FHOD1: variants seen among roughly 807,000 people sequenced by gnomAD.
FHOD1 encodes formin homology 2 domain containing 1, also known as FH1/FH2 domain-containing protein 1.
Under a neutral mutation model 111.6 loss-of-function variants are expected in FHOD1, and 89 were observed. That is an observed-to-expected ratio of 0.80 (90% CI 0.67 to 0.95). The LOEUF (loss-of-function observed/expected upper bound fraction) is 0.95. Ranked by LOEUF, FHOD1 falls within the 40% of genes least tolerant of loss-of-function variation. FHOD1 has a pLI of 0.00. For synonymous variants in FHOD1, 618 were observed against 639.0 expected (o/e 0.97, Z 0.50); for missense variants, 1,446 against 1,554.2 (o/e 0.93, Z 1.17).
chr16:67,230,811 C>T lies in FHOD1; in HGVS notation c.2668-20G>A, dbSNP rs561524743. 4 of 1,564,978 alleles carry T rather than the reference C, an allele frequency of 2.6e-6. No individual in the cohort carries two copies. The highest frequency in any genetic ancestry group is 1.3e-5 in the African/African-American group (1 of 74,214). Reference sequence around the variant, plus strand: ...GTCCACCTGAGAAAGCAAGGGGGTGCACATACTGTCCCCCCACACCCTGTA... The same window carrying T: ...GTCCACCTGAGAAAGCAAGGGGGTGTACATACTGTCCCCCCACACCCTGTA... On this transcript the variant is annotated intron_variant, in intron 17 of 21. Coordinates refer to ENST00000258201, the MANE Select transcript of FHOD1 (RefSeq NM_013241.3).
chr16:67,242,200 C>A (rs935817806), intron 1 of FHOD1, among the ~76,000 whole-genome samples: 1 of 152,164 alleles, frequency 6.6e-6, no homozygotes, highest in Non-Finnish European at 1.5e-5. Flanking sequence ...AACTCCTGAC[C>A]TCAAGTGATC....
chr16:67,242,126 G>A (rs1387747032), intron 1 of FHOD1, among the ~76,000 whole-genome samples: 1 of 152,146 alleles, frequency 6.6e-6, no homozygotes, highest in African/African-American at 2.4e-5. Flanking sequence ...GCATCACCAT[G>A]CCTGGCTAAT....
Position 67,230,731 on chromosome 16 carries a change from C to T in FHOD1, c.2728G>A (p.Glu910Lys), listed in dbSNP as rs776903658. Reference sequence around the variant, plus strand: ...TTGGCCAAGCTCCGCAGGCTCTCCTCGGCTGCCCGGCTCCGGCGCTCCAGC... The same window carrying T: ...TTGGCCAAGCTCCGCAGGCTCTCCTTGGCTGCCCGGCTCCGGCGCTCCAGC... ...GQLERRSRAA[E>K]ESLRSLAKHE... The change falls in exon 18 of 22, where the codon GAG (glutamate) becomes AAG (lysine). Residue 910 changes from glutamate to lysine, a missense_variant. Around this residue, in one of 3 missense-constraint regions of FHOD1, gnomAD observed 1,085 missense variants for 1,108.8 expected, o/e 0.98. Transcript: ENST00000258201. 8.6e-5 allele frequency: 139 copies of T among 1,611,554 alleles called. 2 individuals are homozygous for T. The South Asian group carries it at 1.2e-3, about 14-fold the overall frequency.
Position 67,238,570 on chromosome 16 carries a change from G to A in FHOD1, c.374-123C>T. The A allele has an allele frequency of 7.3e-6, 7 of 961,866 alleles. No homozygotes were observed. The highest frequency in any genetic ancestry group is 9.7e-6 in the Non-Finnish European group (6 of 617,820). 59.6% of individuals were successfully genotyped at this position (961,866 alleles called of 1,614,324 possible). Reference sequence around the variant, plus strand: ...ATATATGTTTTGGTCTGAGAGACAGGGTCTCACTCTGTCACTCAGGCTGGA... The same window carrying A: ...ATATATGTTTTGGTCTGAGAGACAGAGTCTCACTCTGTCACTCAGGCTGGA... On this transcript the variant is annotated intron_variant, in intron 3 of 21. Transcript: ENST00000258201. The surrounding 1 kb of genome is among the most constrained non-coding windows in gnomAD (Gnocchi z 4.2).
Position 67,237,328 on chromosome 16 carries a change from C to T in FHOD1, c.904G>A (p.Glu302Lys), listed in dbSNP as rs1160839344. The T allele has an allele frequency of 3.1e-6, 5 of 1,614,122 alleles. No individual in the cohort carries two copies. Among genetic ancestry groups the T allele is most frequent in the Non-Finnish European group, 4.2e-6 (5 of 1,180,030 alleles). Residue 302 changes from glutamate (E) to lysine (K), a missense_variant, in exon 9 of 22, where the codon GAG (glutamate) becomes AAG (lysine). Transcript: ENST00000258201. The surrounding 1 kb of genome is among the most constrained non-coding windows in gnomAD (Gnocchi z 5.6). ...ACCAGCGCTTCCATGCCCTGCTGCT[C>T]CAGTGCATCCGTCACATCGTAGAAG... Reference protein sequence around the residue: ...DSFYDVTDALEQQGMEALVQR... With the variant: ...DSFYDVTDALKQQGMEALVQR...
rs750558526 is a variant in FHOD1 at position 67,233,660 on chromosome 16, G to A, written c.2043C>T (p.Ser681=). The A allele has an allele frequency of 8.2e-6, 13 of 1,591,828 alleles. No homozygotes were observed. The highest frequency in any genetic ancestry group is 1.1e-5 in the Non-Finnish European group (13 of 1,163,950). ...FESRAKEVLP[S]KKAGEGRRTM... is the part of the protein sequence containing the mutation. Reference sequence around the variant, plus strand: ...CCTTGCAGATGAGTGGATTTACCTTGGAGGGCAGCACCTCTTTGGCACGAG... The same window carrying A: ...CCTTGCAGATGAGTGGATTTACCTTAGAGGGCAGCACCTCTTTGGCACGAG... Residue 681 remains serine, a synonymous_variant, in exon 13 of 22, where the codon TCC becomes TCT. Transcript: ENST00000258201.
Position 67,237,565 on chromosome 16 carries a change from A to G in FHOD1, c.759T>C (p.Ala253=), listed in dbSNP as rs751132333. Residue 253 remains alanine (A), a synonymous_variant, in exon 8 of 22, where the codon GCT becomes GCC. Transcript: ENST00000258201. The surrounding 1 kb of genome is among the most constrained non-coding windows in gnomAD (Gnocchi z 5.6). ...TGGACACCAGATTGGCCCAGGGAGG[A>G]GCACCTGCCACACAGAAAGTGGAGC... is the stretch of plus-strand genomic sequence containing the variant. ...AVNSVASTTG[A]PPWANLVSIL... The G allele has an allele frequency of 1.2e-6, 2 of 1,614,092 alleles. No individual in the cohort carries two copies. Among genetic ancestry groups the G allele is most frequent in the Non-Finnish European group, 1.7e-6 (2 of 1,179,992 alleles).
rs138033718 is a variant in FHOD1, at chr16:67,235,407, A to G, written c.1320-935T>C. ...TACCCAGGTATCCTGGTGCAGGCCT[A>G]TAATCCCAGCTACTTGGGAGGCTGA... On this transcript the variant is annotated intron_variant, in intron 11 of 21. Transcript: ENST00000258201. Among the ~76,000 whole-genome samples, 332 of 152,092 alleles carry G rather than the reference A, an allele frequency of 2.2e-3. 1 individual carries two copies. Among genetic ancestry groups the G allele is most frequent in the African/African-American group, 7.5e-3 (312 of 41,486 alleles).
chr16:67,244,675 G>C (rs982987731), intron 1 of FHOD1, among the ~76,000 whole-genome samples: 2 of 152,146 alleles, frequency 1.3e-5, no homozygotes, highest in South Asian at 2.1e-4. Context: ...TCCCCAGGGA[G>C]GGGGGTCATC....
At chr16:67,240,546 A>G (rs1356772360) in intron 1 of FHOD1, among the ~76,000 whole-genome samples, 2 of 152,168 alleles carry the variant, frequency 1.3e-5, no homozygotes, top group Non-Finnish European at 2.9e-5. Flanking sequence ...AAAACAAAAC[A>G]AAACACTTAA....
chr16:67,237,488 G>A lies in FHOD1; in HGVS notation c.836C>T (p.Thr279Ile), dbSNP rs372012238. ...ADPELLVYTV[T>I]LINKTLAALP... ...CCTTGGCCACACCTTGTTGATGAGG[G>A]TGACCGTGTACACCAACAACTCAGG... Residue 279 changes from threonine (T) to isoleucine (I), a missense_variant, in exon 8 of 22, where the codon ACC (threonine) becomes ATC (isoleucine). Around this residue, in one of 3 missense-constraint regions of FHOD1, gnomAD observed 234 missense variants for 327.4 expected, o/e 0.71. Transcript: ENST00000258201. The surrounding 1 kb of genome is among the most constrained non-coding windows in gnomAD (Gnocchi z 5.6). 1 of 1,614,166 alleles carries A rather than the reference G, an allele frequency of 6.2e-7. No individual in the cohort carries two copies. Among genetic ancestry groups the A allele is most frequent in the African/African-American group, 1.3e-5 (1 of 75,034 alleles).
At position 67,234,585 on chromosome 16, in the gene FHOD1, G is replaced by A. The variant is rs1230986596; in HGVS notation, c.1320-113C>T. 4.5e-6 allele frequency: 4 copies of A among 890,512 alleles called. No individual in the cohort carries two copies. The Admixed American group carries it at 6.2e-5, about 14-fold the overall frequency. 55.2% of individuals were successfully genotyped at this position (890,512 alleles called of 1,614,324 possible). ...ATTGCAGGCACGCACAGACACACAG[G>A]GAACAGTCCATGCGCTGAGCAGACC... On this transcript the variant is annotated intron_variant, in intron 11 of 21. Coordinates refer to ENST00000258201, the MANE Select transcript of FHOD1 (RefSeq NM_013241.3).
At chr16:67,233,514 G>A (rs944846174) in intron 13 of FHOD1, 143 bp downstream of exon 13, 7 of 1,201,526 alleles carry the variant, frequency 5.8e-6, no homozygotes, top group African/African-American at 1.5e-5. Flanking sequence ...CCCTTGTTAG[G>A]AGACCTTGGA....
At chr16:67,236,003 C>A (rs1470880972) in intron 11 of FHOD1, 1 of 976,782 alleles carries the variant, frequency 1.0e-6, no homozygotes, top group Non-Finnish European at 1.2e-6. Context: ...GGCAGGCCGG[C>A]CTCTGTACTT....
intron 1 of FHOD1, among the ~76,000 whole-genome samples, chr16:67,242,343 G>A (rs1034361578): frequency 6.6e-6 from 1 of 152,136 alleles, no homozygotes; most frequent in Non-Finnish European, 1.5e-5. Flanking sequence ...CTGGGGAGGA[G>A]GTCCAGGGAA....
chr16:67,230,042 CCCCACAGCTGCTATGGG>C lies in FHOD1; in HGVS notation c.3214+7_3214+23del. 6.2e-7 allele frequency: 1 copy of C among 1,613,028 alleles called. No individual in the cohort carries two copies. The highest frequency in any genetic ancestry group is 8.5e-7 in the Non-Finnish European group (1 of 1,179,134). On this transcript the variant is annotated splice_region_variant and intron_variant, in intron 20 of 21. Coordinates refer to ENST00000258201, the MANE Select transcript of FHOD1 (RefSeq NM_013241.3). ...GGCCAAGGTGGCACTGGAGCCCATT[CCCCACAGCTGCTATGGG>C]CCTCACCTCTGCTGCGGCGATTGTG...
chr16:67,234,518 C>G, intron 11 of FHOD1, 46 bp from the exon 12 acceptor site: 1 of 1,507,646 alleles, frequency 6.6e-7, no homozygotes, highest in Non-Finnish European at 9.0e-7. Context: ...ACACCCCAGC[C>G]CAGGTGTACA....
chr16:67,232,105 A>AGT lies in FHOD1; in HGVS notation c.2135_2136insAC (p.Val713LeufsTer26). 1 of 1,614,220 alleles carries AGT rather than the reference A, an allele frequency of 6.2e-7. No homozygotes were observed. ...GCAGAGCAGCCTTAATGACATGCAC[A>AGT]GGTGGCAGTGTGGTTAGGCCGATGT... On this transcript the variant is annotated frameshift_variant, in exon 14 of 22. Transcript: ENST00000258201. LOFTEE classifies it high-confidence loss of function.
chr16:67,236,365 A>T (rs2034474766), intron 11 of FHOD1, 192 bp downstream of exon 11: 5 of 1,434,426 alleles, frequency 3.5e-6, no homozygotes, highest in Non-Finnish European at 4.6e-6. Context: ...CCACAGGAGG[A>T]GGAGATCCAG....
Sources: gnomAD v4.1 joint callset for allele counts (sites outside exome capture counted in the v4.1 genomes callset) on GRCh38, gnomAD v4.1.1 for gene constraint, gnomAD v4.1.1 regional missense constraint, Gnocchi (gnomAD v3.1) non-coding constraint, MANE v1.5 for transcripts, NCBI Gene and HGNC (gene_info 2026-07-23, HGNC 2026-07-21) for gene names.